SWT1: variants seen among roughly 807,000 people sequenced by gnomAD.
SWT1 encodes the protein transcriptional protein SWT1.
A neutral mutation model predicts 107.3 loss-of-function variants in SWT1; 33 were observed. The observed-to-expected ratio is 0.31, with a 90% CI of 0.23 to 0.41. The LOEUF is 0.41. SWT1 is among the 10% of genes least tolerant of loss of function. The pLI, the probability that SWT1 is intolerant of heterozygous loss-of-function variation, is 1.00. For missense variants in SWT1, 898 were observed against 1,028.9 expected, an observed-to-expected ratio of 0.87 and a Z score of 1.74; for synonymous variants, 345 against 348.3, an observed-to-expected ratio of 0.99 and a Z score of 0.11.
intron 6 of SWT1, among the ~76,000 whole-genome samples, chr1:185,181,007 C>T (rs772491861): frequency 6.6e-6 from 1 of 152,062 alleles, no homozygotes; most frequent in African/African-American, 2.4e-5. Flanking sequence ...GTGGCTCAAG[C>T]CTGTAATCCC....
At chr1:185,227,291 A>G in intron 15 of SWT1, 2 of 748,334 alleles carry the variant, frequency 2.7e-6, no homozygotes, top group East Asian at 4.9e-5. Context: ...CTGGCTGACC[A>G]TCGGTGCTCT....
intron 16 of SWT1, among the ~76,000 whole-genome samples, chr1:185,232,930 T>A (rs1660600602): frequency 6.6e-6 from 1 of 152,158 alleles, no homozygotes; most frequent in African/African-American, 2.4e-5. Context: ...AATGAAGATT[T>A]AAAAAATTTC....
At chr1:185,232,896 T>C (rs936937713) in intron 16 of SWT1, among the ~76,000 whole-genome samples, 2 of 152,192 alleles carry the variant, frequency 1.3e-5, no homozygotes, top group Non-Finnish European at 2.9e-5. Context: ...GATTCATATG[T>C]AATTAGTCTG....
intron 16 of SWT1, among the ~76,000 whole-genome samples, chr1:185,247,363 A>G (rs944540282): frequency 9.2e-5 from 14 of 152,208 alleles, no homozygotes; most frequent in Non-Finnish European, 8.8e-5. Flanking sequence ...AATGTTAGGA[A>G]AGTGGAGTCA....
chr1:185,256,563 T>C (rs999651223), intron 16 of SWT1, among the ~76,000 whole-genome samples: 3 of 146,310 alleles, frequency 2.1e-5, no homozygotes, highest in Non-Finnish European at 4.5e-5. Context: ...TTTCTTCCAG[T>C]TGATCGCATT....
chr1:185,185,901 A>G (rs1656428355), intron 9 of SWT1, among the ~76,000 whole-genome samples: 1 of 152,146 alleles, frequency 6.6e-6, no homozygotes, highest in Non-Finnish European at 1.5e-5. Flanking sequence ...AAGATGGTCC[A>G]TGTCAAGTAG....
intron 17 of SWT1, among the ~76,000 whole-genome samples, 173 bp from the exon 18 acceptor site, chr1:185,276,431 T>C (rs1421208144): frequency 6.6e-6 from 1 of 152,198 alleles, no homozygotes; most frequent in Non-Finnish European, 1.5e-5. Flanking sequence ...TATTTTTGCA[T>C]ACAGTTCCAT....
chr1:185,182,234 G>A (rs1656079949), intron 7 of SWT1, among the ~76,000 whole-genome samples, 177 bp downstream of exon 7: 2 of 151,954 alleles, frequency 1.3e-5, no homozygotes, highest in Non-Finnish European at 2.9e-5. Context: ...TTGTCTTATT[G>A]GTTTTACATA....
In SWT1 at chr1:185,174,638, C is replaced by T; in HGVS notation, c.491C>T (p.Ala164Val). The T allele has an allele frequency of 5.0e-6, 8 of 1,613,262 alleles. No individual in the cohort carries two copies. The highest frequency in any genetic ancestry group is 6.8e-6 in the Non-Finnish European group (8 of 1,179,870). The part of the protein sequence containing the change: ...PKIASDVKPK[A>V]EGQASENKWS... ...ATTGCCAGTGATGTGAAACCTAAAG[C>T]CGAAGGCCAGGCAAGTGAAAATAAA... The change falls in exon 5 of 19, where the codon GCC becomes GTC. Residue 164 changes from alanine to valine, a missense_variant. Transcript: ENST00000367500.
At chr1:185,276,919 C>T (rs1664278293) in intron 18 of SWT1, among the ~76,000 whole-genome samples, 1 of 151,966 alleles carries the variant, frequency 6.6e-6, no homozygotes, top group South Asian at 2.1e-4. Flanking sequence ...TTAAAATTAT[C>T]GAAGATCCCA....
chr1:185,159,656 A>T (rs1050976284), intron 1 of SWT1, among the ~76,000 whole-genome samples: 3 of 152,350 alleles, frequency 2.0e-5, no homozygotes, highest in Non-Finnish European at 4.4e-5. Flanking sequence ...GTATGTATGT[A>T]GACATTACTG....
At chr1:185,204,488 C>T (rs1436034932) in intron 11 of SWT1, among the ~76,000 whole-genome samples, 3 of 151,820 alleles carry the variant, frequency 2.0e-5, no homozygotes, top group African/African-American at 7.3e-5. Flanking sequence ...AAAGATAAAA[C>T]ATTTGTTAAA....
At chr1:185,213,394 T>G (rs1658977535) in intron 13 of SWT1, among the ~76,000 whole-genome samples, 1 of 152,210 alleles carries the variant, frequency 6.6e-6, no homozygotes, top group African/African-American at 2.4e-5. Context: ...TTATTATTAT[T>G]TTTTATATTT....
intron 16 of SWT1, among the ~76,000 whole-genome samples, chr1:185,233,845 G>A (rs1660669393): frequency 6.6e-6 from 1 of 152,172 alleles, no homozygotes; most frequent in African/African-American, 2.4e-5. Context: ...CTGGGTTCAT[G>A]CCATTCTCCT....
At chr1:185,186,383 A>G (rs549000075) in intron 9 of SWT1, among the ~76,000 whole-genome samples, 1 of 152,330 alleles carries the variant, frequency 6.6e-6, no homozygotes, top group Admixed American at 6.5e-5. Flanking sequence ...ATGTGCTTGA[A>G]TAAGCCTAAG....
intron 13 of SWT1, among the ~76,000 whole-genome samples, chr1:185,210,496 C>A (rs1429607518): frequency 2.0e-5 from 3 of 152,080 alleles, no homozygotes; most frequent in African/African-American, 7.2e-5. Flanking sequence ...GCCCTTCAAG[C>A]TAAAAACTCT....
intron 16 of SWT1, among the ~76,000 whole-genome samples, chr1:185,252,405 A>G (rs989035089): frequency 8.5e-5 from 13 of 152,190 alleles, no homozygotes; most frequent in Non-Finnish European, 1.8e-4. Context: ...CCAACAGTGT[A>G]AAAGTGTTCC....
intron 16 of SWT1, among the ~76,000 whole-genome samples, chr1:185,241,434 T>G (rs980459512): frequency 1.3e-5 from 2 of 152,190 alleles, no homozygotes; most frequent in African/African-American, 4.8e-5. Flanking sequence ...TCTCAGACTT[T>G]CAACACCTTG....
At chr1:185,193,467 CTTTT>C (rs770162424) in intron 10 of SWT1, among the ~76,000 whole-genome samples, 1 of 139,502 alleles carries the variant, frequency 7.2e-6, no homozygotes. Flanking sequence ...TTTTTCTTTT[CTTTT>C]TTTTTTTTTT....
Sources: allele counts gnomAD v4.1 joint callset (sites outside exome capture counted in the v4.1 genomes callset), GRCh38; gene constraint gnomAD v4.1.1; transcripts MANE v1.5; gene names NCBI Gene and HGNC (gene_info 2026-07-23, HGNC 2026-07-21).